Variants in CIT observed in about 807,000 individuals in gnomAD.
CIT encodes the protein citron Rho-interacting kinase.
CIT carries 79 observed loss-of-function variants against 272.7 expected under a neutral mutation model. The observed-to-expected ratio is 0.29, with a 90% CI of 0.24 to 0.35. The LOEUF is 0.35. Among genes scored for constraint, CIT ranks in the 10% least tolerant of loss-of-function variants. CIT has a pLI of 1.00. For synonymous variants in CIT, 948 were observed against 995.6 expected (o/e 0.95, Z 0.90); for missense variants, 1,909 against 2,618.3 (o/e 0.73, Z 5.91).
At chr12:119,795,264 G>A (rs999290231) in intron 10 of CIT, among the ~76,000 whole-genome samples, 3 of 152,182 alleles carry the variant, frequency 2.0e-5, no homozygotes, top group African/African-American at 7.2e-5. Context: ...GCAGGCACCT[G>A]TAATCCCAGC....
intron 8 of CIT, among the ~76,000 whole-genome samples, chr12:119,824,707 T>C (rs1188848121): frequency 3.9e-5 from 6 of 152,250 alleles, no homozygotes; most frequent in African/African-American, 9.6e-5. Flanking sequence ...TAAACATTCA[T>C]TCACACAATA....
At position 119,691,043 on chromosome 12, in the gene CIT, G is replaced by A. The variant is rs562355858; in HGVS notation, c.5883-589C>T. Among the ~76,000 whole-genome samples, 14 of 152,174 alleles carry A rather than the reference G, an allele frequency of 9.2e-5. No individual in the cohort carries two copies. The East Asian group carries it at 2.5e-3, about 27-fold the overall frequency. ...AAAAATTAGCCGGGCGTGTTGGCGT[G>A]TGCCTGTAGTCCCAGCTACTCAGGA... is the stretch of plus-strand genomic sequence containing the variant. On this transcript the variant is annotated intron_variant, in intron 46 of 47. Coordinates refer to ENST00000392521, the MANE Select transcript of CIT (RefSeq NM_001206999.2).
chr12:119,821,225 G>A (rs572147835), intron 9 of CIT, among the ~76,000 whole-genome samples: 1 of 151,870 alleles, frequency 6.6e-6, no homozygotes, highest in Non-Finnish European at 1.5e-5. Flanking sequence ...AACCCAAGAG[G>A]CGGAGGTTGC....
chr12:119,807,969 GA>G (rs1187733139), intron 9 of CIT, among the ~76,000 whole-genome samples: 2 of 151,892 alleles, frequency 1.3e-5, no homozygotes, highest in East Asian at 3.8e-4. Flanking sequence ...GGTAACATCA[GA>G]ACACAGTCTC....
intron 5 of CIT, among the ~76,000 whole-genome samples, chr12:119,846,454 T>C (rs1317236827): frequency 1.3e-5 from 2 of 152,128 alleles, no homozygotes; most frequent in African/African-American, 4.8e-5. Context: ...TATGGAGCAG[T>C]GCAAGGTAGA....
intron 9 of CIT, among the ~76,000 whole-genome samples, chr12:119,821,684 A>G (rs1320956698): frequency 6.6e-6 from 1 of 152,248 alleles, no homozygotes; most frequent in Non-Finnish European, 1.5e-5. Flanking sequence ...TAAGTACTTG[A>G]ACAGCATCTA....
At chr12:119,829,110 C>G (rs1968400921) in intron 7 of CIT, among the ~76,000 whole-genome samples, 1 of 152,062 alleles carries the variant, frequency 6.6e-6, no homozygotes, top group African/African-American at 2.4e-5. Flanking sequence ...GAAAGAAAAC[C>G]AATGTCTTCC....
chr12:119,761,152 A>G (rs996082378), intron 19 of CIT, 97 bp from the exon 20 acceptor site: 2 of 969,652 alleles, frequency 2.1e-6, no homozygotes, highest in African/African-American at 3.2e-5. Context: ...AAGAGGAGAA[A>G]AGCAGGGGAG....
At chr12:119,853,341 A>T (rs1970358083) in intron 4 of CIT, among the ~76,000 whole-genome samples, 1 of 150,342 alleles carries the variant, frequency 6.7e-6, no homozygotes, top group Non-Finnish European at 1.5e-5. Flanking sequence ...AAAAAAAAAA[A>T]TGGTTACTGT....
intron 16 of CIT, among the ~76,000 whole-genome samples, chr12:119,773,596 G>A (rs537788453): frequency 6.6e-6 from 1 of 152,200 alleles, no homozygotes; most frequent in African/African-American, 2.4e-5. Flanking sequence ...ACCACATCCA[G>A]CTAATTTTGT....
At position 119,690,431 on chromosome 12, in the gene CIT, G is replaced by T; in HGVS notation, c.5906C>A (p.Pro1969His). The change falls in exon 47 of 48, where the codon CCC becomes CAC. Residue 1969 changes from proline (P) to histidine (H), a missense_variant. Transcript: ENST00000392521. The surrounding 1 kb of genome is among the most constrained non-coding windows in gnomAD (Gnocchi z 6.0). ...SRSSPNKRGP[P>H]TYNEHITKRV... ...CTTGGTGATGTGCTCGTTGTACGTG[G>T]GTGGGCCTCGCTTGTTGGGGCTGCT... is the stretch of plus-strand genomic sequence containing the variant. 2 of 1,593,260 alleles carry T rather than the reference G, an allele frequency of 1.3e-6. No homozygotes were observed.
chr12:119,800,995 G>A (rs952615714), intron 10 of CIT, among the ~76,000 whole-genome samples: 2 of 152,268 alleles, frequency 1.3e-5, no homozygotes, highest in Non-Finnish European at 2.9e-5. Context: ...ATAACAAGAC[G>A]CAAGATGAAA....
intron 10 of CIT, among the ~76,000 whole-genome samples, chr12:119,798,496 C>T (rs1284834846): frequency 6.6e-6 from 1 of 152,176 alleles, no homozygotes; most frequent in Admixed American, 6.5e-5. Context: ...ATGAATTCAT[C>T]TGTGTAAAGT....
intron 42 of CIT, 32 bp from the exon 43 acceptor site, chr12:119,701,784 G>A (rs562984540): frequency 6.2e-7 from 1 of 1,614,228 alleles, no homozygotes; most frequent in East Asian, 2.2e-5. Context: ...GGGGCTTCAG[G>A]AGTGAGTTCT....
chr12:119,745,602 G>C (rs1959268297), intron 23 of CIT, among the ~76,000 whole-genome samples: 1 of 152,054 alleles, frequency 6.6e-6, no homozygotes, highest in African/African-American at 2.4e-5. Context: ...AAGAGCCCTG[G>C]AGAGATGGTA....
At chr12:119,729,995 C>A (rs1167670796) in intron 27 of CIT, among the ~76,000 whole-genome samples, 1 of 152,244 alleles carries the variant, frequency 6.6e-6, no homozygotes, top group African/African-American at 2.4e-5. Flanking sequence ...TGGAGAGGCA[C>A]ATGGATGGAA....
At chr12:119,865,882 AAG>A (rs1204284324) in intron 3 of CIT, among the ~76,000 whole-genome samples, 6 of 151,164 alleles carry the variant, frequency 4.0e-5, no homozygotes, top group Non-Finnish European at 5.9e-5. Flanking sequence ...AAAAAAAAAA[AAG>A]GATATACATT....
intron 40 of CIT, among the ~76,000 whole-genome samples, chr12:119,707,142 A>ATTTTT (rs756628687): frequency 6.6e-6 from 1 of 152,110 alleles, no homozygotes; most frequent in Non-Finnish European, 1.5e-5. Context: ...TCCACATTAG[A>ATTTTT]TTTTTTTTAA....
chr12:119,735,766 T>C (rs1354190320), intron 24 of CIT, among the ~76,000 whole-genome samples: 1 of 152,204 alleles, frequency 6.6e-6, no homozygotes, highest in African/African-American at 2.4e-5. Flanking sequence ...TAGGACCTTA[T>C]TATTGGAGAT....
Sources: allele counts gnomAD v4.1 joint callset (sites outside exome capture counted in the v4.1 genomes callset), GRCh38; gene constraint gnomAD v4.1.1; non-coding constraint Gnocchi (gnomAD v3.1); transcripts MANE v1.5; gene names NCBI Gene and HGNC (gene_info 2026-07-23, HGNC 2026-07-21).